The following PCDH15 variants were observed in gnomAD, a reference collection of about 807,000 sequenced individuals.
PCDH15 encodes protocadherin-15.
In PCDH15, 129 loss-of-function variants were observed where a neutral mutation model predicts 178.5. That is an observed-to-expected ratio of 0.72 (90% confidence interval 0.63 to 0.84). PCDH15 has a LOEUF of 0.84. PCDH15 is among the 40% of genes least tolerant of loss of function. The pLI is 0.00. For missense variants in PCDH15, 2,230 were observed against 2,099.9 expected (o/e 1.06, Z -1.21); for synonymous variants, 800 against 732.0 (o/e 1.09, Z -1.50).
intron 28 of PCDH15, among the ~76,000 whole-genome samples, chr10:53,842,763 T>C (rs552698581): frequency 1.6e-4 from 25 of 152,210 alleles, no homozygotes; most frequent in Non-Finnish European, 2.8e-4. Context: ...TAGGAAAGTA[T>C]ACTTCTCACT....
At chr10:55,458,984 T>G (rs1022286633) in intron 2 of PCDH15, among the ~76,000 whole-genome samples, 3 of 151,872 alleles carry the variant, frequency 2.0e-5, no homozygotes, top group African/African-American at 7.2e-5. Flanking sequence ...CAGAAACTTG[T>G]TTGAGAACAA....
chr10:55,350,260 TATATATATACACACAC>T (rs1348968055), intron 2 of PCDH15, among the ~76,000 whole-genome samples: 8 of 71,540 alleles, frequency 1.1e-4, no homozygotes, highest in African/African-American at 4.8e-4. Flanking sequence ...TATATATATA[TATATATATACACACAC>T]ACACACACAC....
At chr10:54,925,391 T>G (rs1837592139) in intron 2 of PCDH15, among the ~76,000 whole-genome samples, 1 of 151,190 alleles carries the variant, frequency 6.6e-6, no homozygotes, top group Admixed American at 6.6e-5. Flanking sequence ...GCCTCCAAAT[T>G]TTTCTTTTTG....
At chr10:54,459,973 T>G (rs752700782) in intron 3 of PCDH15, among the ~76,000 whole-genome samples, 3 of 152,130 alleles carry the variant, frequency 2.0e-5, no homozygotes, top group Admixed American at 1.3e-4. Context: ...TGCCATTACT[T>G]TAAATGTATA....
At chr10:55,480,590 A>T (rs1437669815) in intron 2 of PCDH15, among the ~76,000 whole-genome samples, 1 of 151,806 alleles carries the variant, frequency 6.6e-6, no homozygotes, top group African/African-American at 2.4e-5. Flanking sequence ...TGAGATAACC[A>T]TGTGTTTGTT....
At chr10:54,494,597 A>G (rs1048258988) in intron 3 of PCDH15, among the ~76,000 whole-genome samples, 5 of 152,090 alleles carry the variant, frequency 3.3e-5, no homozygotes, top group Non-Finnish European at 7.4e-5. Flanking sequence ...GATGCAGCCA[A>G]TCATGCCACC....
intron 2 of PCDH15, among the ~76,000 whole-genome samples, chr10:55,455,447 C>T (rs1355962677): frequency 6.6e-6 from 1 of 151,820 alleles, no homozygotes; most frequent in East Asian, 1.9e-4. Flanking sequence ...CTTAATATGA[C>T]ACTAAAAAAC....
At position 54,796,222 on chromosome 10, in the gene PCDH15, T is replaced by TTATCTATCTATC. The variant is rs59479208; in HGVS notation, c.-29+4691_-29+4702dup. ...AGGCTCTCTTCTCTGTCTTTCTACA[T>TTATCTATCTATC]TATCTATCTATCTATCTATCTATCT... On this transcript the variant is annotated intron_variant, in intron 1 of 37. Transcript: ENST00000644397. Among the ~76,000 whole-genome samples, 381 of 125,340 alleles carry TTATCTATCTATC rather than the reference T, an allele frequency of 3.0e-3. 2 individuals are homozygous for TTATCTATCTATC. Among genetic ancestry groups the TTATCTATCTATC allele is most frequent in the Middle Eastern group, 7.9e-3 (2 of 252 alleles). 82.2% of individuals were successfully genotyped at this position (125,340 alleles called of 152,430 possible).
chr10:54,247,568 G>C (rs2056074731), intron 8 of PCDH15, among the ~76,000 whole-genome samples: 1 of 151,732 alleles, frequency 6.6e-6, no homozygotes, highest in African/African-American at 2.4e-5. Context: ...TTTAACTACA[G>C]GCCAAAATAA....
At chr10:55,474,027 C>T (rs897070280) in intron 2 of PCDH15, among the ~76,000 whole-genome samples, 1 of 152,096 alleles carries the variant, frequency 6.6e-6, no homozygotes, top group African/African-American at 2.4e-5. Flanking sequence ...TGTAACCCAG[C>T]CTACTTGGCA....
chr10:55,462,037 T>G (rs552845109), intron 2 of PCDH15, among the ~76,000 whole-genome samples: 345 of 152,088 alleles, frequency 2.3e-3, no homozygotes, highest in African/African-American at 8.1e-3. Context: ...TTTTGTGGGG[T>G]TTTTTTACAA....
At chr10:54,418,160 A>G (rs1006056473) in intron 3 of PCDH15, among the ~76,000 whole-genome samples, 8 of 151,088 alleles carry the variant, frequency 5.3e-5, no homozygotes, top group African/African-American at 1.7e-4. Context: ...TAATATTTTG[A>G]GGGGAAAGAA....
chr10:55,068,777 G>T (rs1213386208), intron 2 of PCDH15, among the ~76,000 whole-genome samples: 3 of 151,876 alleles, frequency 2.0e-5, no homozygotes, highest in African/African-American at 7.2e-5. Flanking sequence ...CATTGTGTGT[G>T]TGTGTGTGCG....
At chr10:54,385,549 A>G (rs1949818952) in intron 3 of PCDH15, among the ~76,000 whole-genome samples, 1 of 152,158 alleles carries the variant, frequency 6.6e-6, no homozygotes, top group South Asian at 2.1e-4. Flanking sequence ...AGAAAAACAA[A>G]TAAGCTTAAG....
intron 2 of PCDH15, among the ~76,000 whole-genome samples, chr10:54,660,937 A>T (rs906142467): frequency 4.6e-5 from 7 of 152,000 alleles, no homozygotes; most frequent in African/African-American, 1.4e-4. Flanking sequence ...CCCTCAACAA[A>T]CTAGGCATTG....
chr10:54,677,010 A>C (rs570378430), intron 1 of PCDH15, among the ~76,000 whole-genome samples: 1 of 152,184 alleles, frequency 6.6e-6, no homozygotes, highest in African/African-American at 2.4e-5. Flanking sequence ...GGTATAGTGA[A>C]AGGGAGAATT....
intron 2 of PCDH15, among the ~76,000 whole-genome samples, chr10:54,645,281 G>A (rs1471344810): frequency 6.6e-6 from 1 of 152,094 alleles, no homozygotes; most frequent in African/African-American, 2.4e-5. Flanking sequence ...GCCGGTGGTA[G>A]AGAGATGACA....
chr10:54,026,740 C>T lies in PCDH15; in HGVS notation c.2221-3543G>A, dbSNP rs549271851. Among the ~76,000 whole-genome samples the T allele has an allele frequency of 2.1e-4, 32 of 152,288 alleles. No individual in the cohort carries two copies. In the East Asian group the frequency reaches 3.9e-3, roughly 18 times the overall value. Reference sequence around the variant, plus strand: ...AAAAGCGTTTGACAAAATTCAACGACACTTCATGCTAAAAACTCTCAATAA... The same window carrying T: ...AAAAGCGTTTGACAAAATTCAACGATACTTCATGCTAAAAACTCTCAATAA... On this transcript the variant is annotated intron_variant, in intron 18 of 37. Coordinates refer to ENST00000644397, the MANE Select transcript of PCDH15 (RefSeq NM_001384140.1).
intron 2 of PCDH15, among the ~76,000 whole-genome samples, chr10:54,649,645 A>G (rs1397275810): frequency 2.0e-5 from 3 of 152,074 alleles, no homozygotes; most frequent in Non-Finnish European, 4.4e-5. Flanking sequence ...ACACATATAC[A>G]TGTGTGTGTA....
Sources: allele counts gnomAD v4.1 joint callset (sites outside exome capture counted in the v4.1 genomes callset), GRCh38; gene constraint gnomAD v4.1.1; transcripts MANE v1.5; gene names NCBI Gene and HGNC (gene_info 2026-07-23, HGNC 2026-07-21).